Variants in SLC23A2 observed in about 807,000 individuals in gnomAD.
SLC23A2 encodes solute carrier family 23 member 2.
Under a neutral mutation model 73.3 loss-of-function variants are expected in SLC23A2, and 36 were observed. The observed-to-expected ratio is 0.49, with a 90% CI of 0.38 to 0.65. SLC23A2 has a LOEUF of 0.65. Among genes scored for constraint, SLC23A2 ranks in the 30% least tolerant of loss-of-function variants. The pLI is 0.00. For missense variants in SLC23A2, 507 were observed against 841.6 expected (o/e 0.60, Z 4.92); for synonymous variants, 343 against 327.3 (o/e 1.05, Z -0.52).
rs1434027629 is a variant in SLC23A2, at chr20:4,912,991, T to C, written c.109-13A>G. 1.9e-6 allele frequency: 3 copies of C among 1,574,868 alleles called. No individual in the cohort carries two copies. Among genetic ancestry groups the C allele is most frequent in the Non-Finnish European group, 2.6e-6 (3 of 1,145,852 alleles). On this transcript the variant is annotated splice_polypyrimidine_tract_variant and intron_variant, in intron 3 of 16. Transcript: ENST00000338244. ...CATTTATCACCACCTGCAGAGACAA[T>C]CCACTTAGAGGCTGTTTCAGCGTGA...
At chr20:4,986,399 C>T (rs1402601673) in intron 1 of SLC23A2, among the ~76,000 whole-genome samples, 6 of 152,064 alleles carry the variant, frequency 3.9e-5, no homozygotes, top group African/African-American at 9.7e-5. Flanking sequence ...CTACAACCTC[C>T]GCCTCCTGGA....
chr20:4,970,839 C>T lies in SLC23A2; in HGVS notation c.-201G>A, dbSNP rs1361810641. 2.0e-5 allele frequency: 3 copies of T among 152,232 alleles called. No homozygotes were observed. The highest frequency in any genetic ancestry group is 1.9e-4 in the East Asian group (1 of 5,196). The allele number at this position is 152,232 out of a possible 1,614,324, so 9.4% of individuals were successfully genotyped here. A position where few individuals can be genotyped will look rare whatever the true frequency, so the allele number is the denominator to read the frequency against. ...TGTCCATATGCTTTCCATTACAATT[C>T]GCTGAGTTACATTTGCTTATGCACC... On this transcript the variant is annotated 5_prime_UTR_variant, in exon 2 of 17. Coordinates refer to ENST00000338244, the MANE Select transcript of SLC23A2 (RefSeq NM_005116.6).
At chr20:4,960,710 C>T (rs1277055281) in intron 2 of SLC23A2, among the ~76,000 whole-genome samples, 1 of 152,122 alleles carries the variant, frequency 6.6e-6, no homozygotes, top group Non-Finnish European at 1.5e-5. Context: ...AAGACACGGA[C>T]TGTAAAGGTA....
At chr20:4,956,724 T>G (rs2087293801) in intron 2 of SLC23A2, among the ~76,000 whole-genome samples, 1 of 151,896 alleles carries the variant, frequency 6.6e-6, no homozygotes, top group Non-Finnish European at 1.5e-5. Context: ...CAGGCTCCCT[T>G]GCAGCTAGAT....
intron 5 of SLC23A2, among the ~76,000 whole-genome samples, chr20:4,901,490 T>C (rs753439388): frequency 2.0e-5 from 3 of 152,324 alleles, no homozygotes; most frequent in Non-Finnish European, 2.9e-5. Context: ...CTCCCCACGT[T>C]GTCCCCTTTC....
chr20:4,987,761 T>C (rs2087855493), intron 1 of SLC23A2, among the ~76,000 whole-genome samples: 1 of 150,684 alleles, frequency 6.6e-6, no homozygotes, highest in South Asian at 2.1e-4. Context: ...GGCAGGAGAA[T>C]GGCGTGAACT....
In SLC23A2 at chr20:4,863,040, C is replaced by T; in HGVS notation, c.1357-133G>A. ...TTCACCTCCTCCTCAGCCCACTCTT[C>T]TCACCTCCACTGTGGGGACCCTGAG... is the stretch of plus-strand genomic sequence containing the variant. On this transcript the variant is annotated intron_variant, in intron 13 of 16. Coordinates refer to ENST00000338244, the MANE Select transcript of SLC23A2 (RefSeq NM_005116.6). This position sits in a 1 kb window ranked among gnomAD's most constrained non-coding sequence, Gnocchi z 4.8. The T allele has an allele frequency of 1.2e-6, 1 of 818,990 alleles. No homozygotes were observed. Among genetic ancestry groups the T allele is most frequent in the Non-Finnish European group, 1.9e-6 (1 of 529,754 alleles). 50.7% of individuals were successfully genotyped at this position (818,990 alleles called of 1,614,324 possible). A position where few individuals can be genotyped will look rare whatever the true frequency, so the allele number is the denominator to read the frequency against.
chr20:4,857,868 C>T lies in SLC23A2; in HGVS notation c.1721-664G>A, dbSNP rs1480366162. The stretch of plus-strand genomic sequence containing the variant: ...ATTGCTTGAACCCGAGAGGCAGAGA[C>T]TGCAGTGAGCTGAGATCATGCCATT... On this transcript the variant is annotated intron_variant, in intron 16 of 16. Coordinates refer to ENST00000338244, the MANE Select transcript of SLC23A2 (RefSeq NM_005116.6). The surrounding 1 kb of genome is among the most constrained non-coding windows in gnomAD (Gnocchi z 4.0). 6.6e-6 allele frequency among the ~76,000 whole-genome samples: 1 copy of T among 152,078 alleles called. No individual in the cohort carries two copies. The highest frequency in any genetic ancestry group is 1.9e-4 in the East Asian group (1 of 5,188).
rs1930074515 is a variant in SLC23A2, at chr20:4,863,621, G to T, written c.1357-714C>A. 6.6e-6 allele frequency among the ~76,000 whole-genome samples: 1 copy of T among 152,172 alleles called. No homozygotes were observed. The highest frequency in any genetic ancestry group is 2.4e-5 in the African/African-American group (1 of 41,440). ...GGCCTTTCCTGCACCCATTCCATGG[G>T]GCCACGGGGTCACCTTTCTAACACA... On this transcript the variant is annotated intron_variant, in intron 13 of 16. Coordinates refer to ENST00000338244, the MANE Select transcript of SLC23A2 (RefSeq NM_005116.6). This position sits in a 1 kb window ranked among gnomAD's most constrained non-coding sequence, Gnocchi z 4.8.
intron 12 of SLC23A2, chr20:4,869,540 GAC>G (rs11467759): frequency 0.34 from 55,756 of 165,564 alleles, 9,272 homozygotes; most frequent in African/African-American, 0.49. Flanking sequence ...ATCTCCAAAT[GAC>G]ACACACACAC....
Position 4,883,311 on chromosome 20 carries a change from C to T in SLC23A2, c.824+331G>A, listed in dbSNP as rs867871193. ...GTCTCATGATATAAAAATTTGGCTT[C>T]TCAGTATGTCAACTCATGAACATGA... On this transcript the variant is annotated intron_variant, in intron 9 of 16. Transcript: ENST00000338244. The surrounding 1 kb of genome is among the most constrained non-coding windows in gnomAD (Gnocchi z 4.5). Among the ~76,000 whole-genome samples, 3 of 152,164 alleles carry T rather than the reference C, an allele frequency of 2.0e-5. No homozygotes were observed. The highest frequency in any genetic ancestry group is 7.2e-5 in the African/African-American group (3 of 41,420).
At chr20:4,867,706 G>A (rs1415337955) in intron 13 of SLC23A2, 64 bp downstream of exon 13, 4 of 900,902 alleles carry the variant, frequency 4.4e-6, no homozygotes, top group South Asian at 4.4e-5. Context: ...GCAGTGGCCA[G>A]ATCGATCAAT....
chr20:4,948,551 A>G (rs192044929), intron 2 of SLC23A2, among the ~76,000 whole-genome samples: 40 of 152,356 alleles, frequency 2.6e-4, no homozygotes, highest in Admixed American at 2.3e-3. Context: ...AGGGCTGAAG[A>G]GTGGGTTTGC....
intron 2 of SLC23A2, among the ~76,000 whole-genome samples, chr20:4,952,103 CAAAAAAAAAAAAAA>C (rs57832305): frequency 7.4e-5 from 3 of 40,534 alleles, no homozygotes; most frequent in Non-Finnish European, 1.5e-4. Flanking sequence ...GACTCTGACT[CAAAAAAAAAAAAAA>C]AAAAAAAAAA....
In SLC23A2 at chr20:4,857,180, C is replaced by A. The variant is rs373607688; in HGVS notation, c.1745G>T (p.Arg582Leu). The A allele has an allele frequency of 1.9e-6, 3 of 1,607,926 alleles. No homozygotes were observed. The African/African-American group carries it at 4.0e-5, about 22-fold the overall frequency. The change falls in exon 17 of 17, where the codon CGG (arginine) becomes CTG (leucine). Residue 582 changes from arginine (R) to leucine (L), a missense_variant. This residue lies in a region of SLC23A2 where 168 missense variants were observed against 302.3 expected (regional missense o/e 0.56). Transcript: ENST00000338244. The surrounding 1 kb of genome is among the most constrained non-coding windows in gnomAD (Gnocchi z 4.0). ...IPGTPEERGI[R>L]KWKKGVGKGN... ...TTTGCCCACACCCTTCTTCCATTTC[C>A]GGATTCCTCTTTCCTCTGGAGTGCC...
chr20:4,937,437 A>G (rs72552237), intron 2 of SLC23A2, among the ~76,000 whole-genome samples: 2,821 of 152,302 alleles, frequency 0.019, 89 homozygotes, highest in African/African-American at 0.063. Context: ...GCAGAGGGAT[A>G]GAAGATCATG....
rs1343229288 is a variant in SLC23A2, at chr20:4,857,151, T to G, written c.1774A>C (p.Asn592His). 1 of 1,613,816 alleles carries G rather than the reference T, an allele frequency of 6.2e-7. No individual in the cohort carries two copies. The highest frequency in any genetic ancestry group is 8.5e-7 in the Non-Finnish European group (1 of 1,179,836). ...GACTCCATGCCGTCGAGTGATTTGT[T>G]CCCTTTGCCCACACCCTTCTTCCAT... Reference protein sequence around the residue: ...RKWKKGVGKGNKSLDGMESYN... With the variant: ...RKWKKGVGKGHKSLDGMESYN... Residue 592 changes from asparagine to histidine, a missense_variant, in exon 17 of 17, where the codon AAC becomes CAC. Physicochemically the swap from Asn to His is moderately conservative, Grantham distance 68. Around this residue, in one of 5 missense-constraint regions of SLC23A2, gnomAD observed 168 missense variants for 302.3 expected, o/e 0.56. Transcript: ENST00000338244. This position sits in a 1 kb window ranked among gnomAD's most constrained non-coding sequence, Gnocchi z 4.0.
chr20:4,886,036 GA>G, intron 6 of SLC23A2, 127 bp from the exon 7 acceptor site: 1 of 603,460 alleles, frequency 1.7e-6, no homozygotes, highest in Non-Finnish European at 2.9e-6. Context: ...ACACCTAGAA[GA>G]AAAAGCCCCA....
intron 15 of SLC23A2, 57 bp from the exon 16 acceptor site, chr20:4,859,441 T>C: frequency 8.6e-7 from 1 of 1,163,236 alleles, no homozygotes; most frequent in Non-Finnish European, 1.3e-6. Flanking sequence ...GAGCCTGCCC[T>C]TGACTTGGGA....
Sources: allele counts gnomAD v4.1 joint callset (sites outside exome capture counted in the v4.1 genomes callset), GRCh38; gene constraint gnomAD v4.1.1; regional missense constraint gnomAD v4.1.1; non-coding constraint Gnocchi (gnomAD v3.1); transcripts MANE v1.5; gene names NCBI Gene and HGNC (gene_info 2026-07-23, HGNC 2026-07-21).